PDZD2: variants seen among roughly 807,000 people sequenced by gnomAD.
The protein encoded by PDZD2 is PDZ domain containing 2.
PDZD2 carries 90 observed loss-of-function variants against 220.7 expected under a neutral mutation model. The observed-to-expected ratio is 0.41, with a 90% CI of 0.34 to 0.49. The LOEUF (loss-of-function observed/expected upper bound fraction) is 0.49, where lower values mean the gene tolerates loss of function less well. Among genes scored for constraint, PDZD2 ranks in the 20% least tolerant of loss-of-function variants. PDZD2 has a pLI of 0.28. For missense variants in PDZD2, 3,174 were observed against 3,608.5 expected (o/e 0.88, Z 3.08); for synonymous variants, 1,375 against 1,450.5 (o/e 0.95, Z 1.18).
chr5:31,972,765 A>G (rs948522054), intron 2 of PDZD2, among the ~76,000 whole-genome samples: 10 of 152,186 alleles, frequency 6.6e-5, no homozygotes, highest in African/African-American at 2.2e-4. Flanking sequence ...TGACTCAATC[A>G]TGTACAGCAA....
chr5:31,884,259 A>ACATACATACATC (rs923352259), intron 2 of PDZD2, among the ~76,000 whole-genome samples: 3 of 151,562 alleles, frequency 2.0e-5, no homozygotes, highest in African/African-American at 7.3e-5. Context: ...ATACATACAT[A>ACATACATACATC]CATCCTGGGT....
intron 5 of PDZD2, among the ~76,000 whole-genome samples, chr5:32,006,101 C>G (rs1300492357): frequency 6.7e-6 from 1 of 149,974 alleles, no homozygotes; most frequent in Non-Finnish European, 1.5e-5. Context: ...GAGCTGAGAT[C>G]GCGCCACTGC....
chr5:32,001,259 G>A (rs772041017), intron 5 of PDZD2, among the ~76,000 whole-genome samples: 46 of 152,156 alleles, frequency 3.0e-4, no homozygotes, highest in Non-Finnish European at 1.3e-4. Context: ...TAGAGAGAGC[G>A]GCAGCTCTTC....
intron 1 of PDZD2, among the ~76,000 whole-genome samples, chr5:31,691,178 G>C (rs13166599): frequency 0.41 from 61,594 of 151,374 alleles, 12,799 homozygotes; most frequent in East Asian, 0.51. Context: ...GGTTCGTGGT[G>C]TCGCTGGCTC....
intron 1 of PDZD2, among the ~76,000 whole-genome samples, chr5:31,663,432 A>G (rs1202719020): frequency 1.3e-5 from 2 of 152,180 alleles, no homozygotes; most frequent in East Asian, 1.9e-4. Context: ...AAAGGTAATT[A>G]TAGAACTACT....
At chr5:31,771,411 T>G (rs187756647) in intron 1 of PDZD2, among the ~76,000 whole-genome samples, 1 of 152,316 alleles carries the variant, frequency 6.6e-6, no homozygotes, top group Non-Finnish European at 1.5e-5. Flanking sequence ...TATTACATCC[T>G]GGGCTGATGG....
rs113511990 is a variant in PDZD2, at chr5:32,087,695, CA to C, written c.4248del (p.Ser1419ValfsTer6). The C allele has an allele frequency of 1.9e-6, 3 of 1,613,652 alleles. No homozygotes were observed. The highest frequency in any genetic ancestry group is 2.2e-5 in the East Asian group (1 of 44,884). ...ACGHVSGHCC[P>X]GGSRESPVTD... ...GGCCATGTCTCGGGGCACTGCTGCC[CA>C]GGGGGGAGTAGAGAGAGCCCTGTGA... is the stretch of plus-strand genomic sequence containing the variant. On this transcript the variant is annotated frameshift_variant, in exon 20 of 25. Transcript: ENST00000438447. LOFTEE classifies it high-confidence loss of function. The surrounding 1 kb of genome is among the most constrained non-coding windows in gnomAD (Gnocchi z 4.0).
At position 31,849,905 on chromosome 5, in the gene PDZD2, CATAT is replaced by C. The variant is rs1273295441; in HGVS notation, c.476+50191_476+50194del. Among the ~76,000 whole-genome samples, 12 of 22,068 alleles carry C rather than the reference CATAT, an allele frequency of 5.4e-4. 3 individuals are homozygous for C. The highest frequency in any genetic ancestry group is 1.7e-3 in the African/African-American group (8 of 4,728). 14.5% of individuals were successfully genotyped at this position (22,068 alleles called of 152,430 possible). ...ATATATATACACATATATATATATA[CATAT>C]ATATATATACATATATATATATACA... On this transcript the variant is annotated intron_variant, in intron 2 of 24. Coordinates refer to ENST00000438447, the MANE Select transcript of PDZD2 (RefSeq NM_178140.4).
At chr5:31,850,225 A>AATATAT (rs1757957760) in intron 2 of PDZD2, among the ~76,000 whole-genome samples, 2 of 48,436 alleles carry the variant, frequency 4.1e-5, no homozygotes, top group East Asian at 4.4e-4. Context: ...TATATATATA[A>AATATAT]GTATATATAT....
chr5:31,678,372 C>T (rs4867367), intron 1 of PDZD2, among the ~76,000 whole-genome samples: 115,015 of 151,992 alleles, frequency 0.76, 45,278 homozygotes, highest in Non-Finnish European at 0.88. Flanking sequence ...AAGCAGCAGC[C>T]GCTGAGGGGA....
intron 1 of PDZD2, among the ~76,000 whole-genome samples, chr5:31,722,424 A>T (rs772119435): frequency 1.3e-5 from 2 of 150,688 alleles, no homozygotes; most frequent in Non-Finnish European, 3.0e-5. Flanking sequence ...TGTACAGCTG[A>T]TTTCTTCTTA....
chr5:31,992,237 AAAG>A (rs1300021521), intron 3 of PDZD2, among the ~76,000 whole-genome samples: 5 of 152,146 alleles, frequency 3.3e-5, no homozygotes, highest in African/African-American at 1.2e-4. Context: ...TAAAAGTGAA[AAAG>A]AAGGTCTGTT....
At chr5:31,928,573 T>C (rs1039619110) in intron 2 of PDZD2, among the ~76,000 whole-genome samples, 7 of 152,140 alleles carry the variant, frequency 4.6e-5, no homozygotes, top group African/African-American at 1.7e-4. Context: ...CCTCCCAGGT[T>C]CAAGGGGTTC....
intron 1 of PDZD2, among the ~76,000 whole-genome samples, chr5:31,730,411 A>G (rs1237515692): frequency 6.6e-6 from 1 of 152,208 alleles, no homozygotes; most frequent in African/African-American, 2.4e-5. Context: ...TATGAGAGGC[A>G]GAGTACATGT....
At position 32,000,111 on chromosome 5, in the gene PDZD2, G is replaced by A; in HGVS notation, c.1122-28G>A. Reference sequence around the variant, plus strand: ...TCAGGCCCAGAATGTCTTGACAAGGGATCTTTTTCCCATCTCCCTTTCCTC... The same window carrying A: ...TCAGGCCCAGAATGTCTTGACAAGGAATCTTTTTCCCATCTCCCTTTCCTC... On this transcript the variant is annotated intron_variant, in intron 4 of 24. Transcript: ENST00000438447. The surrounding 1 kb of genome is among the most constrained non-coding windows in gnomAD (Gnocchi z 4.5). 6.2e-7 allele frequency: 1 copy of A among 1,612,204 alleles called. No individual in the cohort carries two copies. The highest frequency in any genetic ancestry group is 1.1e-5 in the South Asian group (1 of 90,840).
At chr5:31,853,311 T>G (rs1001433438) in intron 2 of PDZD2, among the ~76,000 whole-genome samples, 1 of 152,216 alleles carries the variant, frequency 6.6e-6, no homozygotes, top group African/African-American at 2.4e-5. Flanking sequence ...ACTGGGCACA[T>G]GTAGTGTTCT....
rs1303481370 is a variant in PDZD2, at chr5:31,848,744, C to CA, written c.476+49029dup. 2.5e-4 allele frequency among the ~76,000 whole-genome samples: 33 copies of CA among 131,676 alleles called. No homozygotes were observed. The South Asian group carries it at 3.5e-3, about 14-fold the overall frequency. The allele number at this position is 131,676 out of a possible 152,430, so 86.4% of individuals were successfully genotyped here. On this transcript the variant is annotated intron_variant, in intron 2 of 24. Coordinates refer to ENST00000438447, the MANE Select transcript of PDZD2 (RefSeq NM_178140.4). The stretch of plus-strand genomic sequence containing the variant: ...AGCCTGGGCGACAGAGTGAGACTGT[C>CA]AAAAAAAAAGAAAAAAGAAAATGGG...
At chr5:32,073,418 C>T (rs936717902) in intron 17 of PDZD2, among the ~76,000 whole-genome samples, 1 of 152,150 alleles carries the variant, frequency 6.6e-6, no homozygotes, top group Non-Finnish European at 1.5e-5. Flanking sequence ...CTCAAGGGGC[C>T]AAGAAGGCAG....
chr5:31,726,850 C>A lies in PDZD2; in HGVS notation c.-360-72039C>A, dbSNP rs775251098. On this transcript the variant is annotated intron_variant, in intron 1 of 24. Coordinates refer to ENST00000438447, the MANE Select transcript of PDZD2 (RefSeq NM_178140.4). The stretch of plus-strand genomic sequence containing the variant: ...ATTGCTATAAAGAAATACCTAAGAC[C>A]GGGTAAATTATAAAGAAAAGAGGTT... Among the ~76,000 whole-genome samples the A allele has an allele frequency of 3.7e-4, 56 of 152,100 alleles. 1 individual carries two copies. The highest frequency in any genetic ancestry group is 1.0e-4 in the Non-Finnish European group (7 of 68,028).
Sources: allele counts gnomAD v4.1 joint callset (sites outside exome capture counted in the v4.1 genomes callset), GRCh38; gene constraint gnomAD v4.1.1; non-coding constraint Gnocchi (gnomAD v3.1); transcripts MANE v1.5; gene names NCBI Gene and HGNC (gene_info 2026-07-23, HGNC 2026-07-21).